RIT2: variants seen among roughly 807,000 people sequenced by gnomAD.
RIT2 encodes the protein GTP-binding protein Rit2.
Under a neutral mutation model 23.7 loss-of-function variants are expected in RIT2, and 24 were observed. That is an observed-to-expected ratio of 1.01 (90% CI 0.73 to 1.43). The LOEUF is 1.43. Among genes scored for constraint, RIT2 ranks in the 40% most tolerant of loss-of-function variants. The pLI is 0.00. For synonymous variants in RIT2, 107 were observed against 91.1 expected (o/e 1.17, Z -0.99); for missense variants, 236 against 266.9 (o/e 0.88, Z 0.81).
chr18:42,809,905 TAA>T (rs1491533678), intron 4 of RIT2, among the ~76,000 whole-genome samples: 1 of 141,072 alleles, frequency 7.1e-6, no homozygotes, highest in Non-Finnish European at 1.5e-5. Flanking sequence ...ATATTATATA[TAA>T]TATATATAAT....
At chr18:42,894,272 A>C (rs1382112158) in intron 4 of RIT2, among the ~76,000 whole-genome samples, 2 of 152,232 alleles carry the variant, frequency 1.3e-5, no homozygotes, top group Non-Finnish European at 2.9e-5. Context: ...TGATGTCACA[A>C]ACCATGAGTT....
At chr18:42,751,025 G>T (rs1257366208) in intron 4 of RIT2, among the ~76,000 whole-genome samples, 1 of 151,828 alleles carries the variant, frequency 6.6e-6, no homozygotes, top group East Asian at 1.9e-4. Flanking sequence ...TGGGACATTA[G>T]TTAAGGCTTA....
At chr18:43,033,740 G>A in intron 2 of RIT2, 71 bp downstream of exon 2, 1 of 984,630 alleles carries the variant, frequency 1.0e-6, no homozygotes, top group Non-Finnish European at 1.6e-6. Flanking sequence ...CATCAACATT[G>A]CTATTATTTT....
intron 1 of RIT2, among the ~76,000 whole-genome samples, chr18:43,056,023 G>A (rs1241452244): frequency 6.6e-6 from 1 of 152,072 alleles, no homozygotes; most frequent in Non-Finnish European, 1.5e-5. Flanking sequence ...GGCTTCCATA[G>A]TGTGTGTGGA....
Position 42,769,891 on chromosome 18 carries a change from C to T in RIT2, c.427-26171G>A, listed in dbSNP as rs895749869. 1.3e-4 allele frequency among the ~76,000 whole-genome samples: 19 copies of T among 144,668 alleles called. No individual in the cohort carries two copies. The Admixed American group carries it at 1.3e-3, about 10-fold the overall frequency. 94.9% of individuals were successfully genotyped at this position (144,668 alleles called of 152,430 possible). ...TAATAATAATAATAAAGATATACCA[C>T]CATGCCTAGAGCCACTGGACAATGG... On this transcript the variant is annotated intron_variant, in intron 4 of 4. Transcript: ENST00000326695.
At chr18:43,107,096 A>G (rs1460567669) in intron 1 of RIT2, among the ~76,000 whole-genome samples, 1 of 152,200 alleles carries the variant, frequency 6.6e-6, no homozygotes, top group Non-Finnish European at 1.5e-5. Context: ...ACGCACAGAA[A>G]TAATCGGTCA....
intron 4 of RIT2, among the ~76,000 whole-genome samples, chr18:42,771,236 T>C (rs1913544932): frequency 6.6e-6 from 1 of 152,182 alleles, no homozygotes; most frequent in African/African-American, 2.4e-5. Context: ...TCAATAATTA[T>C]ATTATCAAGA....
intron 3 of RIT2, among the ~76,000 whole-genome samples, chr18:42,961,432 C>T (rs1910091068): frequency 6.6e-6 from 1 of 152,222 alleles, no homozygotes; most frequent in African/African-American, 2.4e-5. Flanking sequence ...TATGATTACA[C>T]TCAGACTGTG....
chr18:42,999,300 G>T (rs535840066), intron 2 of RIT2, among the ~76,000 whole-genome samples: 2 of 152,000 alleles, frequency 1.3e-5, no homozygotes, highest in East Asian at 3.9e-4. Context: ...CATTCATAAT[G>T]CAGTTTCACT....
chr18:43,083,600 T>C (rs998328793), intron 1 of RIT2, among the ~76,000 whole-genome samples: 1 of 151,934 alleles, frequency 6.6e-6, no homozygotes, highest in Non-Finnish European at 1.5e-5. Flanking sequence ...TCTGATCTTT[T>C]ACAAACCTGA....
intron 3 of RIT2, among the ~76,000 whole-genome samples, chr18:42,963,153 G>A (rs1202472563): frequency 1.3e-5 from 2 of 152,094 alleles, no homozygotes; most frequent in Non-Finnish European, 2.9e-5. Flanking sequence ...ATCTTTTCCT[G>A]ATTTTCAGAT....
chr18:42,885,621 A>G (rs985608733), intron 4 of RIT2, among the ~76,000 whole-genome samples: 2 of 152,070 alleles, frequency 1.3e-5, no homozygotes, highest in African/African-American at 4.8e-5. Flanking sequence ...GCTCCAAAAT[A>G]TATTGGAAAT....
intron 4 of RIT2, among the ~76,000 whole-genome samples, chr18:42,802,017 AT>A (rs1420032716): frequency 5.9e-5 from 9 of 152,230 alleles, no homozygotes; most frequent in African/African-American, 2.2e-4. Flanking sequence ...TTATTTTGTA[AT>A]TTTTATCTGA....
At chr18:43,106,734 T>C (rs1003912308) in intron 1 of RIT2, among the ~76,000 whole-genome samples, 1 of 152,166 alleles carries the variant, frequency 6.6e-6, no homozygotes, top group Non-Finnish European at 1.5e-5. Context: ...CTTGGAGTAT[T>C]TGGGGACCAG....
chr18:42,980,070 C>T (rs1310599574), intron 2 of RIT2, among the ~76,000 whole-genome samples: 1 of 152,086 alleles, frequency 6.6e-6, no homozygotes, highest in Non-Finnish European at 1.5e-5. Flanking sequence ...TGTAACCCTT[C>T]CTTTGGGCCT....
At chr18:42,759,760 GATATAT>G (rs149291326) in intron 4 of RIT2, among the ~76,000 whole-genome samples, 2 of 130,684 alleles carry the variant, frequency 1.5e-5, no homozygotes, top group Non-Finnish European at 3.2e-5. Flanking sequence ...CACACATACG[GATATAT>G]ATATATATAT....
intron 4 of RIT2, among the ~76,000 whole-genome samples, chr18:42,905,358 TA>T (rs1329056783): frequency 6.6e-6 from 1 of 152,220 alleles, no homozygotes; most frequent in Non-Finnish European, 1.5e-5. Flanking sequence ...TGTATACCTG[TA>T]AAACTTGCTG....
intron 3 of RIT2, among the ~76,000 whole-genome samples, chr18:42,964,009 G>T (rs1910153223): frequency 6.6e-6 from 1 of 152,206 alleles, no homozygotes; most frequent in East Asian, 1.9e-4. Context: ...GGCCAACATG[G>T]TGAAACCCCA....
At chr18:43,056,193 T>C (rs1020615902) in intron 1 of RIT2, among the ~76,000 whole-genome samples, 5 of 151,978 alleles carry the variant, frequency 3.3e-5, no homozygotes, top group African/African-American at 1.2e-4. Context: ...TACCAGGAGA[T>C]TTTTGCACAA....
Sources: allele counts gnomAD v4.1 joint callset (sites outside exome capture counted in the v4.1 genomes callset), GRCh38; gene constraint gnomAD v4.1.1; transcripts MANE v1.5; gene names NCBI Gene and HGNC (gene_info 2026-07-23, HGNC 2026-07-21).